Variants in USP36 observed in about 807,000 individuals in gnomAD.
USP36 encodes the protein ubiquitin carboxyl-terminal hydrolase 36.
Under a neutral mutation model 111.5 loss-of-function variants are expected in USP36, and 59 were observed. The ratio of observed to expected loss-of-function variants is 0.53; its 90% CI spans 0.43 to 0.66. The LOEUF (loss-of-function observed/expected upper bound fraction) is 0.66, where lower values mean the gene tolerates loss of function less well. USP36 is among the 30% of genes least tolerant of loss of function. USP36 has a pLI of 0.00. For synonymous variants in USP36, 628 were observed against 581.0 expected (o/e 1.08, Z -1.16); for missense variants, 1,488 against 1,468.0 (o/e 1.01, Z -0.22).
At chr17:78,829,049 T>C (rs754103720) in intron 4 of USP36, 42 bp from the exon 5 acceptor site, 2 of 1,576,012 alleles carry the variant, frequency 1.3e-6, no homozygotes, top group South Asian at 2.2e-5. Context: ...ACAAGAGCTT[T>C]CAAAGAACTC....
intron 9 of USP36, among the ~76,000 whole-genome samples, chr17:78,819,574 G>A (rs2094269891): frequency 1.3e-5 from 2 of 152,382 alleles, no homozygotes; most frequent in South Asian, 4.1e-4. Flanking sequence ...CAGCCAGTGT[G>A]AACTGATGTG....
chr17:78,807,162 G>A lies in USP36; in HGVS notation c.1882C>T (p.Gln628Ter). The change falls in exon 14 of 21, where the codon CAG (glutamine) becomes TAG (stop). Residue 628 changes from glutamine to a stop codon, truncating the protein, a stop_gained. Coordinates refer to ENST00000449938, the MANE Select transcript of USP36 (RefSeq NM_001385174.1). LOFTEE classifies it high-confidence loss of function. The stretch of plus-strand genomic sequence containing the variant: ...TGGGCCGCTCCACTCCTGGGGGTCT[G>A]GGGGGCCTTGGTGGAGTCGCTGCTG... ...SASSDSTKAP[Q>*]TPRSGAAHLC... 1.2e-6 allele frequency: 2 copies of A among 1,614,144 alleles called. No homozygotes were observed. Among genetic ancestry groups the A allele is most frequent in the South Asian group, 1.1e-5 (1 of 91,080 alleles).
intron 6 of USP36, chr17:78,827,029 A>G: frequency 1.5e-6 from 1 of 686,594 alleles, no homozygotes; most frequent in Non-Finnish European, 2.6e-6. Context: ...CCGGACCAGC[A>G]GGACGTCTCC....
chr17:78,790,236 CCCA>C (rs2093571632), intron 3 of USP36, among the ~76,000 whole-genome samples: 1 of 151,788 alleles, frequency 6.6e-6, no homozygotes, highest in African/African-American at 2.4e-5. Context: ...ATTACAGGCA[CCCA>C]CCACCACGCC....
chr17:78,800,742 A>G (rs533632281), intron 17 of USP36, among the ~76,000 whole-genome samples: 5 of 152,306 alleles, frequency 3.3e-5, no homozygotes, highest in African/African-American at 9.6e-5. Context: ...GCAAGAGCCC[A>G]TGCGGCCCCC....
intron 6 of USP36, among the ~76,000 whole-genome samples, chr17:78,824,482 T>C (rs998575152): frequency 2.0e-5 from 3 of 152,144 alleles, no homozygotes; most frequent in African/African-American, 7.2e-5. Flanking sequence ...AGGTGGAGCC[T>C]GCCGTGAGCG....
downstream of USP36, among the ~76,000 whole-genome samples, chr17:78,791,325 G>C (rs762510213): frequency 2.6e-4 from 39 of 151,538 alleles, no homozygotes; most frequent in Non-Finnish European, 5.0e-4. Context: ...GTAGAGACGG[G>C]GTTTCTCCAT....
intron 10 of USP36, among the ~76,000 whole-genome samples, chr17:78,815,164 T>C (rs1339964128): frequency 6.6e-6 from 1 of 151,944 alleles, no homozygotes; most frequent in Non-Finnish European, 1.5e-5. Context: ...AAACCTTGTC[T>C]CTACTAAAAA....
intron 2 of USP36, among the ~76,000 whole-genome samples, chr17:78,836,798 G>GAC (rs71365539): frequency 0.043 from 6,338 of 145,750 alleles, 181 homozygotes; most frequent in Middle Eastern, 0.085. Flanking sequence ...TACACACACG[G>GAC]ACACACACAC....
chr17:78,822,091 G>A, intron 6 of USP36, 87 bp from the exon 7 acceptor site: 1 of 1,484,364 alleles, frequency 6.7e-7, no homozygotes, highest in Non-Finnish European at 9.4e-7. Context: ...ATGCCCACCA[G>A]TCACAAGCTC....
In USP36 at chr17:78,825,634, C is replaced by T. The variant is rs372753811; in HGVS notation, c.689+1611G>A. On this transcript the variant is annotated intron_variant, in intron 6 of 20. Transcript: ENST00000449938. ...CCATCTCACAGCCCCAAATCCAAAC[C>T]GTTATTCATTCTACCTCCCATCCTA... is the stretch of plus-strand genomic sequence containing the variant. 4.3e-4 allele frequency among the ~76,000 whole-genome samples: 65 copies of T among 152,320 alleles called. No homozygotes were observed. In the Middle Eastern group the frequency reaches 0.014, roughly 32 times the overall value.
chr17:78,836,796 CGG>C (rs1567976095), intron 2 of USP36, among the ~76,000 whole-genome samples: 12 of 112,338 alleles, frequency 1.1e-4, no homozygotes, highest in Non-Finnish European at 1.7e-4. Flanking sequence ...TATACACACA[CGG>C]ACACACACAC....
At position 78,803,918 on chromosome 17, in the gene USP36, G is replaced by C; in HGVS notation, c.2277C>G (p.Pro759=). ...GCTTGGGGGTACTGGACAGCAATGT[G>C]GGGTGGGGGCTGAAGGGGGGTTGCA... is the stretch of plus-strand genomic sequence containing the variant. The part of the protein sequence containing the change: ...SRLQPPFSPH[P]TLLSSTPKPP... The change falls in exon 16 of 21, where the codon CCC becomes CCG. Residue 759 remains proline (P), a synonymous_variant. Coordinates refer to ENST00000449938, the MANE Select transcript of USP36 (RefSeq NM_001385174.1). This position sits in a 1 kb window ranked among gnomAD's most constrained non-coding sequence, Gnocchi z 4.6. The C allele has an allele frequency of 6.2e-7, 1 of 1,608,614 alleles. No homozygotes were observed. The highest frequency in any genetic ancestry group is 8.5e-7 in the Non-Finnish European group (1 of 1,178,728).
At chr17:78,809,558 C>T (rs1015628941) in intron 13 of USP36, among the ~76,000 whole-genome samples, 3 of 152,170 alleles carry the variant, frequency 2.0e-5, no homozygotes, top group Non-Finnish European at 4.4e-5. Context: ...GACACAGGGA[C>T]TCTCCTTGAG....
chr17:78,829,793 T>G (rs1244211128), intron 4 of USP36, among the ~76,000 whole-genome samples: 1 of 151,992 alleles, frequency 6.6e-6, no homozygotes, highest in East Asian at 1.9e-4. Context: ...CAGGCTGGAG[T>G]GCAGTGGCAC....
chr17:78,836,172 G>A lies in USP36; in HGVS notation c.192C>T (p.Asn64=). 1.9e-6 allele frequency: 3 copies of A among 1,614,120 alleles called. No individual in the cohort carries two copies. The highest frequency in any genetic ancestry group is 2.5e-6 in the Non-Finnish European group (3 of 1,180,046). ...GGCGACTAGCTCCCTCTGTTTTGGG[G>A]TTGAGCAACACATATTTGCTCTTTA... ...EALKSKYVLL[N]PKTEGASRHK... Residue 64 remains asparagine, a synonymous_variant, in exon 3 of 21, where the codon AAC becomes AAT. Coordinates refer to ENST00000449938, the MANE Select transcript of USP36 (RefSeq NM_001385174.1).
chr17:78,827,102 C>G (rs2067619355), intron 6 of USP36, 143 bp downstream of exon 6: 1 of 919,818 alleles, frequency 1.1e-6, no homozygotes, highest in African/African-American at 1.6e-5. Context: ...AGTTTGAGTA[C>G]CCAGAGGCAA....
chr17:78,818,063 T>A (rs1297330066), intron 10 of USP36, among the ~76,000 whole-genome samples: 1 of 152,166 alleles, frequency 6.6e-6, no homozygotes, highest in Non-Finnish European at 1.5e-5. Context: ...CCAGCCCAGG[T>A]GACAGAGTGA....
intron 13 of USP36, among the ~76,000 whole-genome samples, chr17:78,811,046 G>GGAGGCTGCATAGTGGCA (rs770010144): frequency 6.6e-6 from 1 of 150,998 alleles, no homozygotes; most frequent in African/African-American, 2.4e-5. Context: ...CCCAAGAGGC[G>GGAGGCTGCATAGTGGCA]GAGGCTGCAT....
Sources: allele counts gnomAD v4.1 joint callset (sites outside exome capture counted in the v4.1 genomes callset), GRCh38; gene constraint gnomAD v4.1.1; non-coding constraint Gnocchi (gnomAD v3.1); transcripts MANE v1.5; gene names NCBI Gene and HGNC (gene_info 2026-07-23, HGNC 2026-07-21).